The following LRP1B variants were observed in gnomAD, a reference collection of about 807,000 sequenced individuals.
LRP1B encodes the protein LDL receptor related protein 1B.
In LRP1B, 217 loss-of-function variants were observed where a neutral mutation model predicts 556.6. That is an observed-to-expected ratio of 0.39 (90% confidence interval 0.35 to 0.44). LRP1B has a LOEUF of 0.44. LRP1B is among the 20% of genes least tolerant of loss of function. The pLI, the probability that LRP1B is intolerant of heterozygous loss-of-function variation, is 1.00. For missense variants in LRP1B, 5,053 were observed against 5,620.8 expected, an observed-to-expected ratio of 0.90 and a Z score of 3.23; for synonymous variants, 2,047 against 1,865.8, an observed-to-expected ratio of 1.10 and a Z score of -2.50.
chr2:140,957,770 T>C (rs1271408821), intron 18 of LRP1B, among the ~76,000 whole-genome samples: 1 of 151,426 alleles, frequency 6.6e-6, no homozygotes, highest in African/African-American at 2.4e-5. Context: ...GGTTTTAATG[T>C]CAATCTGGGA....
chr2:141,645,735 C>T (rs1689538473), intron 2 of LRP1B, among the ~76,000 whole-genome samples: 1 of 151,772 alleles, frequency 6.6e-6, no homozygotes, highest in Non-Finnish European at 1.5e-5. Flanking sequence ...TCTTAAATGG[C>T]CTCACCATGT....
At chr2:140,251,621 C>T (rs1573685866) in intron 86 of LRP1B, among the ~76,000 whole-genome samples, 1 of 151,754 alleles carries the variant, frequency 6.6e-6, no homozygotes, top group African/African-American at 2.4e-5. Flanking sequence ...CAAGGTTGCC[C>T]TTATTAACCA....
At chr2:141,505,776 G>T (rs1359171303) in intron 2 of LRP1B, among the ~76,000 whole-genome samples, 1 of 151,998 alleles carries the variant, frequency 6.6e-6, no homozygotes, top group Non-Finnish European at 1.5e-5. Flanking sequence ...TCTCCATTAA[G>T]ATTGCTTTAG....
At chr2:140,992,876 TAAG>T (rs942019165) in intron 16 of LRP1B, among the ~76,000 whole-genome samples, 67 of 152,084 alleles carry the variant, frequency 4.4e-4, no homozygotes, top group African/African-American at 1.5e-3. Flanking sequence ...GGTCTGAAAA[TAAG>T]AAGTACATAA....
intron 2 of LRP1B, among the ~76,000 whole-genome samples, chr2:141,658,298 A>G (rs1398596834): frequency 6.6e-6 from 1 of 152,262 alleles, no homozygotes; most frequent in Non-Finnish European, 1.5e-5. Flanking sequence ...TTTCAACATT[A>G]GAGAATATGT....
intron 7 of LRP1B, among the ~76,000 whole-genome samples, chr2:141,185,122 A>C (rs112192252): frequency 8.5e-5 from 13 of 152,218 alleles, no homozygotes; most frequent in African/African-American, 2.9e-4. Context: ...AACTCAGAAA[A>C]TGTTAAGGTT....
chr2:140,330,602 C>T (rs1680756849), intron 79 of LRP1B, among the ~76,000 whole-genome samples: 1 of 152,002 alleles, frequency 6.6e-6, no homozygotes. Context: ...AAATGTAAAA[C>T]CCAAATCTAT....
At chr2:140,905,660 G>T (rs533148522) in intron 22 of LRP1B, among the ~76,000 whole-genome samples, 1 of 152,146 alleles carries the variant, frequency 6.6e-6, no homozygotes, top group East Asian at 1.9e-4. Context: ...AACCCAGGTG[G>T]CGTAATCTTG....
At chr2:141,138,163 T>A (rs1028573750) in intron 7 of LRP1B, among the ~76,000 whole-genome samples, 18 of 151,970 alleles carry the variant, frequency 1.2e-4, no homozygotes, top group Admixed American at 5.9e-4. Context: ...ATTAATCATA[T>A]TTACAAATTA....
intron 2 of LRP1B, among the ~76,000 whole-genome samples, chr2:141,735,935 G>A (rs1693448443): frequency 6.6e-6 from 1 of 152,108 alleles, no homozygotes; most frequent in Non-Finnish European, 1.5e-5. Context: ...TTTGTTCTTT[G>A]TAAAATTAAC....
intron 41 of LRP1B, among the ~76,000 whole-genome samples, chr2:140,653,217 T>C (rs542157732): frequency 1.5e-3 from 228 of 152,194 alleles, no homozygotes; most frequent in Non-Finnish European, 2.2e-3. Flanking sequence ...GAAGACAAAT[T>C]TGAGGAAACC....
At chr2:141,398,433 C>G (rs139148752) in intron 3 of LRP1B, among the ~76,000 whole-genome samples, 5 of 152,096 alleles carry the variant, frequency 3.3e-5, no homozygotes, top group Non-Finnish European at 7.4e-5. Flanking sequence ...AACAAGCAAG[C>G]GGGTATAGCA....
chr2:141,012,360 A>T (rs992344211), intron 14 of LRP1B, among the ~76,000 whole-genome samples: 5 of 152,064 alleles, frequency 3.3e-5, no homozygotes, highest in African/African-American at 1.2e-4. Context: ...TGAAAAGCAG[A>T]TCTTTCAGAA....
chr2:141,490,991 T>C (rs1490300246), intron 2 of LRP1B, among the ~76,000 whole-genome samples: 1 of 151,222 alleles, frequency 6.6e-6, no homozygotes, highest in African/African-American at 2.4e-5. Flanking sequence ...GCCAAGTTGA[T>C]ATACTAGGTT....
chr2:141,034,912 G>C (rs1357626947), intron 11 of LRP1B, among the ~76,000 whole-genome samples: 3 of 151,964 alleles, frequency 2.0e-5, no homozygotes, highest in African/African-American at 7.3e-5. Context: ...GCACATGTAT[G>C]TTTATTGCGG....
At chr2:140,323,165 T>C (rs1232559367) in intron 81 of LRP1B, among the ~76,000 whole-genome samples, 3 of 151,952 alleles carry the variant, frequency 2.0e-5, no homozygotes, top group Admixed American at 1.3e-4. Flanking sequence ...TTCAACAGCA[T>C]CTTGAAGAGC....
intron 32 of LRP1B, among the ~76,000 whole-genome samples, chr2:140,783,596 A>C (rs144431196): frequency 6.6e-6 from 1 of 152,298 alleles, no homozygotes; most frequent in Non-Finnish European, 1.5e-5. Context: ...TAATAGATAA[A>C]ATGAAAATCT....
chr2:140,358,222 T>G, intron 73 of LRP1B, 106 bp from the exon 74 acceptor site: 1 of 1,079,132 alleles, frequency 9.3e-7, no homozygotes, highest in Non-Finnish European at 1.3e-6. Context: ...AAACATGGGT[T>G]TACAATCCTT....
chr2:140,943,928 G>A (rs1161485745), intron 20 of LRP1B, among the ~76,000 whole-genome samples: 8 of 151,868 alleles, frequency 5.3e-5, no homozygotes, highest in African/African-American at 1.9e-4. Flanking sequence ...AATCAGAGCA[G>A]AACTAAAAGA....
Sources: allele counts gnomAD v4.1 joint callset (sites outside exome capture counted in the v4.1 genomes callset), GRCh38; gene constraint gnomAD v4.1.1; transcripts MANE v1.5; gene names NCBI Gene and HGNC (gene_info 2026-07-23, HGNC 2026-07-21).